TMEM117: variants seen among roughly 807,000 people sequenced by gnomAD.
TMEM117 encodes transmembrane protein 117.
TMEM117 carries 27 observed loss-of-function variants against 52.4 expected under a neutral mutation model. The ratio of observed to expected loss-of-function variants is 0.51; its 90% CI spans 0.38 to 0.71. TMEM117 has a LOEUF of 0.71. TMEM117 is among the 30% of genes least tolerant of loss of function. The pLI, the probability that TMEM117 is intolerant of heterozygous loss-of-function variation, is 0.00. For missense variants in TMEM117, 556 were observed against 630.5 expected, an observed-to-expected ratio of 0.88 and a Z score of 1.26; for synonymous variants, 215 against 206.3, an observed-to-expected ratio of 1.04 and a Z score of -0.36.
chr12:43,804,154 ATTT>A, the TMEM117 span: 5 of 332,516 alleles, frequency 1.5e-5, no homozygotes, highest in Admixed American at 3.8e-5. Context: ...ACAAGTAACT[ATTT>A]TTTTTTTTTG....
intron 4 of TMEM117, among the ~76,000 whole-genome samples, chr12:44,193,179 A>G (rs1446981160): frequency 1.3e-5 from 2 of 152,206 alleles, no homozygotes; most frequent in African/African-American, 4.8e-5. Context: ...TGTGTTCTAC[A>G]GTGCTAAAAT....
At chr12:43,931,192 A>G (rs2137580422) in intron 2 of TMEM117, among the ~76,000 whole-genome samples, 1 of 152,358 alleles carries the variant, frequency 6.6e-6, no homozygotes, top group African/African-American at 2.4e-5. Flanking sequence ...ATTTGCCATC[A>G]GGTAGAGTAG....
intron 5 of TMEM117, among the ~76,000 whole-genome samples, chr12:44,273,312 A>G (rs149965405): frequency 2.2e-4 from 34 of 152,140 alleles, no homozygotes; most frequent in African/African-American, 7.9e-4. Flanking sequence ...ATATGTATAC[A>G]TATGGAACAA....
At chr12:43,852,005 T>C (rs1943315785) in intron 2 of TMEM117, among the ~76,000 whole-genome samples, 1 of 152,146 alleles carries the variant, frequency 6.6e-6, no homozygotes, top group Non-Finnish European at 1.5e-5. Context: ...GTGTAGAGTA[T>C]AACATTTAAC....
intron 5 of TMEM117, among the ~76,000 whole-genome samples, chr12:44,258,965 T>C (rs979930124): frequency 8.5e-5 from 13 of 152,296 alleles, no homozygotes; most frequent in Admixed American, 6.5e-4. Flanking sequence ...AGAAAAAATA[T>C]AAAATATCAA....
chr12:43,850,590 C>A (rs1220248067), intron 2 of TMEM117, among the ~76,000 whole-genome samples: 1 of 152,180 alleles, frequency 6.6e-6, no homozygotes, highest in Non-Finnish European at 1.5e-5. Context: ...TCAGTTCAAG[C>A]ATTATCTCCT....
intron 3 of TMEM117, among the ~76,000 whole-genome samples, chr12:44,030,234 G>A (rs1322917104): frequency 5.9e-5 from 9 of 152,112 alleles, no homozygotes; most frequent in Admixed American, 3.9e-4. Flanking sequence ...ATGCAGTTTC[G>A]ATATTAGGTT....
chr12:44,370,750 T>C (rs1951853484), intron 6 of TMEM117, among the ~76,000 whole-genome samples: 1 of 152,244 alleles, frequency 6.6e-6, no homozygotes, highest in East Asian at 1.9e-4. Context: ...ACTCCTGAAC[T>C]CAAGTGATCC....
chr12:44,264,076 A>T (rs909970179), intron 5 of TMEM117: 6 of 152,230 alleles, frequency 3.9e-5, no homozygotes, highest in African/African-American at 1.4e-4. Flanking sequence ...TATACCTACA[A>T]ATAGCAATGA....
chr12:44,101,503 G>A (rs1421056867), intron 3 of TMEM117, among the ~76,000 whole-genome samples: 1 of 151,714 alleles, frequency 6.6e-6, no homozygotes, highest in Non-Finnish European at 1.5e-5. Flanking sequence ...TTCTCACCTG[G>A]TTTACTTCCG....
At chr12:44,119,672 T>G (rs1948201959) in intron 3 of TMEM117, among the ~76,000 whole-genome samples, 1 of 152,138 alleles carries the variant, frequency 6.6e-6, no homozygotes, top group African/African-American at 2.4e-5. Context: ...TGGGGCTGTG[T>G]GTAGGAGCTT....
intron 2 of TMEM117, among the ~76,000 whole-genome samples, chr12:43,908,663 A>C (rs1033147629): frequency 4.7e-4 from 71 of 152,124 alleles, no homozygotes; most frequent in African/African-American, 2.9e-4. Flanking sequence ...TCTACCAAGC[A>C]AATGGAAAAC....
At chr12:43,987,775 A>G (rs1945872744) in intron 3 of TMEM117, among the ~76,000 whole-genome samples, 1 of 152,150 alleles carries the variant, frequency 6.6e-6, no homozygotes, top group South Asian at 2.1e-4. Flanking sequence ...TTAATCATGG[A>G]CTACATTTTG....
At chr12:43,951,040 G>T (rs1231800493) in intron 3 of TMEM117, among the ~76,000 whole-genome samples, 2 of 152,302 alleles carry the variant, frequency 1.3e-5, no homozygotes, top group East Asian at 1.9e-4. Context: ...CCCAGGAAGT[G>T]CATGGAGCCC....
At chr12:44,147,781 A>C (rs1948665074) in intron 4 of TMEM117, among the ~76,000 whole-genome samples, 1 of 151,878 alleles carries the variant, frequency 6.6e-6, no homozygotes, top group Admixed American at 6.6e-5. Context: ...AAAATACAAA[A>C]ATTAGCTGGA....
At chr12:44,105,656 T>C (rs1947940144) in intron 3 of TMEM117, among the ~76,000 whole-genome samples, 1 of 152,014 alleles carries the variant, frequency 6.6e-6, no homozygotes, top group South Asian at 2.1e-4. Context: ...ACTGTGAACT[T>C]GAAAAGTGCT....
intron 5 of TMEM117, among the ~76,000 whole-genome samples, chr12:44,216,005 CTTTTTTTT>C (rs778425747): frequency 1.8e-5 from 2 of 110,816 alleles, no homozygotes; most frequent in South Asian, 6.0e-4. Flanking sequence ...TTCTTTCTTT[CTTTTTTTT>C]TTTTTTTTTT....
chr12:44,338,390 G>T (rs1374831732), intron 6 of TMEM117, among the ~76,000 whole-genome samples: 3 of 152,074 alleles, frequency 2.0e-5, no homozygotes. Context: ...ATTCTGGTCA[G>T]ATTTACAAAT....
At chr12:44,247,828 G>A in intron 5 of TMEM117, among the ~76,000 whole-genome samples, 1 of 152,196 alleles carries the variant, frequency 6.6e-6, no homozygotes, top group East Asian at 1.9e-4. Flanking sequence ...TGGGGAGAGG[G>A]TGCTGTGATA....
Sources: gnomAD v4.1 joint callset for allele counts (sites outside exome capture counted in the v4.1 genomes callset) on GRCh38, gnomAD v4.1.1 for gene constraint, MANE v1.5 for transcripts, NCBI Gene and HGNC (gene_info 2026-07-23, HGNC 2026-07-21) for gene names.